The following TNRC6B variants were observed in gnomAD, a reference collection of about 807,000 sequenced individuals.
The protein encoded by TNRC6B is trinucleotide repeat containing adaptor 6B, also known as trinucleotide repeat-containing gene 6B protein.
Under a neutral mutation model 203.6 loss-of-function variants are expected in TNRC6B, and 52 were observed. The ratio of observed to expected loss-of-function variants is 0.26; its 90% CI spans 0.20 to 0.32. TNRC6B has a LOEUF of 0.32. TNRC6B is among the 10% of genes least tolerant of loss of function. The pLI, the probability that TNRC6B is intolerant of heterozygous loss-of-function variation, is 1.00. For synonymous variants in TNRC6B, 838 were observed against 845.7 expected (o/e 0.99, Z 0.16); for missense variants, 1,923 against 2,286.2 (o/e 0.84, Z 3.24).
intron 1 of TNRC6B, among the ~76,000 whole-genome samples, chr22:40,091,670 T>C (rs2068152029): frequency 6.6e-6 from 1 of 152,192 alleles, no homozygotes; most frequent in South Asian, 2.1e-4. Flanking sequence ...GAAATGTCCT[T>C]GCATTAAAAC....
At chr22:40,158,508 C>G (rs1601848580) in intron 4 of TNRC6B, among the ~76,000 whole-genome samples, 1 of 152,100 alleles carries the variant, frequency 6.6e-6, no homozygotes, top group African/African-American at 2.4e-5. Context: ...TCTTTAAAAA[C>G]CTCTCTAGTA....
chr22:40,054,258 C>G (rs572758719), intron 1 of TNRC6B, among the ~76,000 whole-genome samples: 3 of 152,122 alleles, frequency 2.0e-5, no homozygotes, highest in Non-Finnish European at 4.4e-5. Context: ...CTGATAAGAA[C>G]CTGAATTCTT....
At chr22:40,088,395 T>C (rs1465301349) in intron 1 of TNRC6B, among the ~76,000 whole-genome samples, 3 of 152,100 alleles carry the variant, frequency 2.0e-5, no homozygotes, top group South Asian at 4.2e-4. Flanking sequence ...CTGCAACTTA[T>C]TTATTTTGTT....
chr22:40,297,000 G>T (rs1021916386), intron 12 of TNRC6B, among the ~76,000 whole-genome samples: 2 of 152,138 alleles, frequency 1.3e-5, no homozygotes, highest in African/African-American at 4.8e-5. Flanking sequence ...TAATGAACTT[G>T]GTCCCAATTC....
Position 40,324,318 on chromosome 22 carries a change from A to T in TNRC6B, c.*1077A>T, listed in dbSNP as rs1048407503. The T allele has an allele frequency of 4.6e-5, 7 of 150,982 alleles. No individual in the cohort carries two copies. The highest frequency in any genetic ancestry group is 1.5e-4 in the African/African-American group (6 of 40,826). The allele number at this position is 150,982 out of a possible 1,614,324, so 9.4% of individuals were successfully genotyped here. On this transcript the variant is annotated 3_prime_UTR_variant, in exon 23 of 23. Coordinates refer to ENST00000454349, the MANE Select transcript of TNRC6B (RefSeq NM_001162501.2). ...TTTTTTTTTTTTTAAGTGAATGGCCACCAGGCACATCTGAGTATCTGTTAA... is the reference window on the plus strand; with the variant it reads ...TTTTTTTTTTTTTAAGTGAATGGCCTCCAGGCACATCTGAGTATCTGTTAA...
intron 1 of TNRC6B, among the ~76,000 whole-genome samples, chr22:40,115,641 A>T (rs1252332720): frequency 1.5e-4 from 23 of 152,154 alleles, no homozygotes. Flanking sequence ...GGACCCGTGG[A>T]TATTACCAAT....
At chr22:40,140,910 G>A (rs2068638666) in intron 3 of TNRC6B, among the ~76,000 whole-genome samples, 1 of 151,894 alleles carries the variant, frequency 6.6e-6, no homozygotes, top group African/African-American at 2.4e-5. Context: ...CAAAAGGCTG[G>A]GATTACAGGC....
At chr22:40,049,313 C>T (rs2067725392) in intron 1 of TNRC6B, among the ~76,000 whole-genome samples, 1 of 151,886 alleles carries the variant, frequency 6.6e-6, no homozygotes, top group Non-Finnish European at 1.5e-5. Context: ...GATGAGCCAC[C>T]GTGCCCAGTC....
chr22:40,170,194 C>T (rs2068958256), intron 4 of TNRC6B, among the ~76,000 whole-genome samples: 1 of 148,516 alleles, frequency 6.7e-6, no homozygotes, highest in Non-Finnish European at 1.5e-5. Context: ...AGGAGAATCA[C>T]TTGAGCCTGA....
At chr22:40,275,320 T>A (rs1461959359) in intron 7 of TNRC6B, among the ~76,000 whole-genome samples, 1 of 152,208 alleles carries the variant, frequency 6.6e-6, no homozygotes, top group Non-Finnish European at 1.5e-5. Context: ...GAGACTAAAT[T>A]AACTGATTGA....
intron 1 of TNRC6B, among the ~76,000 whole-genome samples, chr22:40,068,700 A>G (rs1304779153): frequency 6.6e-6 from 1 of 151,198 alleles, no homozygotes; most frequent in African/African-American, 2.4e-5. Context: ...ATTTTCTTTC[A>G]ATTCTGTGTT....
intron 4 of TNRC6B, among the ~76,000 whole-genome samples, chr22:40,159,657 T>G (rs1472437177): frequency 1.2e-5 from 1 of 83,168 alleles, no homozygotes. Flanking sequence ...AAAAAAAAAA[T>G]TTAAAAATTT....
chr22:40,150,864 TA>T (rs1446024450), intron 3 of TNRC6B, among the ~76,000 whole-genome samples: 1 of 152,126 alleles, frequency 6.6e-6, no homozygotes, highest in Non-Finnish European at 1.5e-5. Context: ...CTGAAGGTCC[TA>T]ATTAAATGGG....
intron 2 of TNRC6B, among the ~76,000 whole-genome samples, chr22:40,250,300 C>T (rs150692574): frequency 5.9e-5 from 9 of 152,098 alleles, no homozygotes; most frequent in African/African-American, 2.2e-4. Flanking sequence ...AATTAGATGC[C>T]CTCCTTTATT....
At chr22:40,170,722 CAT>C (rs374354213) in intron 4 of TNRC6B, among the ~76,000 whole-genome samples, 109 of 135,820 alleles carry the variant, frequency 8.0e-4, no homozygotes, top group African/African-American at 2.8e-3. Context: ...TATAAACATA[CAT>C]ATATAGGTGT....
intron 2 of TNRC6B, among the ~76,000 whole-genome samples, chr22:40,123,184 T>C (rs1165069898): frequency 1.3e-5 from 2 of 151,450 alleles, no homozygotes; most frequent in African/African-American, 2.4e-5. Flanking sequence ...AAGAAGTGAG[T>C]GGAGGGGCAG....
At chr22:40,122,645 G>A (rs186276848) in intron 2 of TNRC6B, among the ~76,000 whole-genome samples, 1 of 152,286 alleles carries the variant, frequency 6.6e-6, no homozygotes, top group East Asian at 1.9e-4. Flanking sequence ...AGGTGGAGAG[G>A]AGCCAAAGGT....
chr22:40,134,212 A>T (rs1299484991), intron 3 of TNRC6B, among the ~76,000 whole-genome samples: 1 of 152,208 alleles, frequency 6.6e-6, no homozygotes, highest in African/African-American at 2.4e-5. Flanking sequence ...AGAACCCTAA[A>T]GTCAGGCAAT....
Position 40,103,933 on chromosome 22 carries a change from G to A in TNRC6B, c.-120-13122G>A, listed in dbSNP as rs375632915. On this transcript the variant is annotated intron_variant, in intron 1 of 23. Coordinates refer to the TNRC6B transcript ENST00000301923. ...GCTGGGATTACAGGCATGAGCCACC[G>A]CGCCCAGCCAAGTCTATCTTTTAAA... is the stretch of plus-strand genomic sequence containing the variant. Among the ~76,000 whole-genome samples, 25 of 148,712 alleles carry A rather than the reference G, an allele frequency of 1.7e-4. 2 individuals are homozygous for A. The highest frequency in any genetic ancestry group is 1.0e-3 in the Admixed American group (15 of 14,970).
Sources: allele counts gnomAD v4.1 joint callset (sites outside exome capture counted in the v4.1 genomes callset), GRCh38; gene constraint gnomAD v4.1.1; transcripts MANE v1.5; gene names NCBI Gene and HGNC (gene_info 2026-07-23, HGNC 2026-07-21).